The following COLEC11 variants were observed in gnomAD, a reference collection of about 807,000 sequenced individuals.
COLEC11 encodes the protein collectin-11.
COLEC11 carries 20 observed loss-of-function variants against 27.3 expected under a neutral mutation model. The ratio of observed to expected loss-of-function variants is 0.73; its 90% confidence interval spans 0.51 to 1.06. COLEC11 has a LOEUF of 1.06. COLEC11 is among the 50% of genes least tolerant of loss of function. The pLI is 0.00. For missense variants in COLEC11, 310 were observed against 383.0 expected (o/e 0.81, Z 1.59); for synonymous variants, 163 against 154.7 (o/e 1.05, Z -0.40).
chr2:3,617,823 C>T (rs1204207350), intron 3 of COLEC11: 2 of 679,458 alleles, frequency 2.9e-6, no homozygotes, highest in Non-Finnish European at 5.3e-6. Context: ...TGTCTAAGGG[C>T]TCGCCTTTCT....
chr2:3,636,454 C>CA (rs1558516337), intron 3 of COLEC11, among the ~76,000 whole-genome samples: 1 of 151,972 alleles, frequency 6.6e-6, no homozygotes, highest in Admixed American at 6.5e-5. Flanking sequence ...GACTCCATCT[C>CA]AAAAAAGGAA....
At chr2:3,641,148 C>G (rs17017806) in intron 5 of COLEC11, 1 of 1,173,236 alleles carries the variant, frequency 8.5e-7, no homozygotes, top group Non-Finnish European at 1.1e-6. Flanking sequence ...GGATCCCATT[C>G]GGAAGGTGCT....
At chr2:3,643,295 G>A (rs565778296) in intron 5 of COLEC11, 149 bp from the exon 6 acceptor site, 3 of 706,548 alleles carry the variant, frequency 4.2e-6, no homozygotes, top group Non-Finnish European at 7.7e-6. Flanking sequence ...CTGCCTTTAG[G>A]ATGAAGTGGG....
Position 3,607,449 on chromosome 2 carries a change from C to CTTTGTTT in COLEC11, c.130+2982_130+2983insGTTTTTT, listed in dbSNP as rs543693462. The stretch of plus-strand genomic sequence containing the variant: ...CTTTATCAAATGAATTTTTTTTTTG[C>CTTTGTTT]TTTTTTTTTTTTTTTGAGATGGAGT... On this transcript the variant is annotated intron_variant, in intron 2 of 6. Transcript: ENST00000349077. Among the ~76,000 whole-genome samples the CTTTGTTT allele has an allele frequency of 2.7e-5, 3 of 109,182 alleles. No homozygotes were observed. In the Admixed American group the frequency reaches 3.7e-4, roughly 14 times the overall value. The allele number at this position is 109,182 out of a possible 152,430, so 71.6% of individuals were successfully genotyped here. A position where few individuals can be genotyped will look rare whatever the true frequency, so the allele number is the denominator to read the frequency against.
chr2:3,606,361 G>C, intron 2 of COLEC11: 1 of 863,560 alleles, frequency 1.2e-6, no homozygotes, highest in Non-Finnish European at 1.8e-6. Flanking sequence ...TGGGTCCCCT[G>C]GATGTGCTGT....
intron 3 of COLEC11, among the ~76,000 whole-genome samples, chr2:3,634,771 C>T (rs1665261581): frequency 6.6e-6 from 1 of 152,032 alleles, no homozygotes; most frequent in South Asian, 2.1e-4. Context: ...GCAGGGCTGG[C>T]CCCCTGACGA....
intron 2 of COLEC11, chr2:3,605,083 C>T (rs770344383): frequency 2.2e-4 from 103 of 470,952 alleles, no homozygotes; most frequent in Non-Finnish European, 3.9e-4. Flanking sequence ...AGAGCAGCAT[C>T]TTCAAGTAAG....
chr2:3,603,291 C>T (rs543175803), intron 1 of COLEC11: 1 of 180,316 alleles, frequency 5.5e-6, no homozygotes, highest in African/African-American at 2.4e-5. Flanking sequence ...CCATTGCCCT[C>T]TTTGTTTTCC....
At chr2:3,638,089 C>T (rs946126448) in intron 4 of COLEC11, among the ~76,000 whole-genome samples, 5 of 152,234 alleles carry the variant, frequency 3.3e-5, no homozygotes, top group South Asian at 2.1e-4. Context: ...GGTGCCAGCA[C>T]CTGGGCTCAG....
At chr2:3,610,521 C>G (rs1280643230) in intron 2 of COLEC11, among the ~76,000 whole-genome samples, 1 of 152,188 alleles carries the variant, frequency 6.6e-6, no homozygotes, top group Admixed American at 6.5e-5. Flanking sequence ...TTCTTCCGCC[C>G]TCATCTCAGC....
chr2:3,615,922 CGGG>C (rs934623992), intron 3 of COLEC11, among the ~76,000 whole-genome samples: 1 of 99,522 alleles, frequency 1.0e-5, no homozygotes, highest in South Asian at 4.5e-4. Flanking sequence ...CCCTCCCGGA[CGGG>C]GGGGCTGCCG....
At chr2:3,612,988 G>T (rs908871642) in intron 2 of COLEC11, among the ~76,000 whole-genome samples, 1 of 146,032 alleles carries the variant, frequency 6.8e-6, no homozygotes, top group African/African-American at 2.8e-5. Context: ...TTGGTGTTAG[G>T]GTTGGGGAGA....
At chr2:3,606,379 C>T in intron 2 of COLEC11, 1 of 764,482 alleles carries the variant, frequency 1.3e-6, no homozygotes, top group Admixed American at 2.4e-5. Flanking sequence ...TGTCATTTCC[C>T]ACATGGGTAG....
intron 5 of COLEC11, chr2:3,641,529 G>T: frequency 1.2e-6 from 1 of 849,930 alleles, no homozygotes; most frequent in Non-Finnish European, 1.6e-6. Context: ...GTTAAATGAG[G>T]AAAGGAATCC....
chr2:3,599,350 C>T (rs1426056300), intron 1 of COLEC11, among the ~76,000 whole-genome samples: 18 of 152,180 alleles, frequency 1.2e-4, no homozygotes, highest in Admixed American at 1.1e-3. Context: ...TGAATGGAAA[C>T]GGGTTTCCCT....
intron 3 of COLEC11, among the ~76,000 whole-genome samples, chr2:3,628,913 C>T (rs1664767609): frequency 6.6e-6 from 1 of 152,202 alleles, no homozygotes; most frequent in South Asian, 2.1e-4. Flanking sequence ...GGCGTTCGTG[C>T]CCAGTGTGCC....
At chr2:3,643,369 G>T in intron 5 of COLEC11, 75 bp from the exon 6 acceptor site, 1 of 1,236,624 alleles carries the variant, frequency 8.1e-7, no homozygotes. Flanking sequence ...TGCATTTCCG[G>T]GGAGGGGTCC....
At chr2:3,635,645 C>A (rs748099308) in intron 3 of COLEC11, among the ~76,000 whole-genome samples, 1 of 152,240 alleles carries the variant, frequency 6.6e-6, no homozygotes, top group Non-Finnish European at 1.5e-5. Flanking sequence ...CTGCAGCCAG[C>A]GCCCTGCACA....
In COLEC11 at chr2:3,644,318, G is replaced by T; in HGVS notation, c.*200G>T. 1.4e-6 allele frequency: 1 copy of T among 725,172 alleles called. No homozygotes were observed. Among genetic ancestry groups the T allele is most frequent in the Non-Finnish European group, 2.4e-6 (1 of 409,124 alleles). The allele number at this position is 725,172 out of a possible 1,614,324, so 44.9% of individuals were successfully genotyped here. ...AAAGTGTTCCTGGGGTGCTGTCTCT[G>T]AAGAAGCAGAGTTTCATTACCTGTA... On this transcript the variant is annotated 3_prime_UTR_variant, in exon 7 of 7. Transcript: ENST00000349077.
Sources: allele counts gnomAD v4.1 joint callset (sites outside exome capture counted in the v4.1 genomes callset), GRCh38; gene constraint gnomAD v4.1.1; transcripts MANE v1.5; gene names NCBI Gene and HGNC (gene_info 2026-07-23, HGNC 2026-07-21).